The following PNRC2 variants were observed in gnomAD, a reference collection of about 807,000 sequenced individuals.
The protein encoded by PNRC2 is proline-rich nuclear receptor coactivator 2.
Under a neutral mutation model 12.2 loss-of-function variants are expected in PNRC2, and 2 were observed. That is an observed-to-expected ratio of 0.16 (90% CI 0.07 to 0.52). PNRC2 has a LOEUF of 0.52. Ranked by LOEUF, PNRC2 falls within the 20% of genes least tolerant of loss-of-function variation. PNRC2 has a pLI of 0.95. For missense variants in PNRC2, 115 were observed against 158.4 expected (o/e 0.73, Z 1.47); for synonymous variants, 44 against 53.9 (o/e 0.82, Z 0.80).
rs1641315370 is a variant in PNRC2 at position 23,963,261 on chromosome 1, CTAAT to C, written c.*1386_*1389del. 6.0e-6 allele frequency: 1 copy of C among 166,992 alleles called. No homozygotes were observed. The allele number at this position is 166,992 out of a possible 1,614,324, so 10.3% of individuals were successfully genotyped here. On this transcript the variant is annotated 3_prime_UTR_variant, in exon 3 of 3. Transcript: ENST00000334351. ...ATTTTGATTGTTAATGCCCTATTTT[CTAAT>C]TTGGCACCTCTTGATGCCTAAGCAG...
chr1:23,961,869 C>G lies in PNRC2; in HGVS notation c.412C>G (p.Gln138Glu). 6.5e-7 allele frequency: 1 copy of G among 1,538,124 alleles called. No individual in the cohort carries two copies. Among genetic ancestry groups the G allele is most frequent in the South Asian group, 1.1e-5 (1 of 87,438 alleles). Residue 138 changes from glutamine (Q) to glutamate (E), a missense_variant, in exon 3 of 3, where the codon CAG becomes GAG. Transcript: ENST00000334351. ...TCAACTTAAAACCTTACTTAAAGTACAGGTATAAAATAAGACAAATGTTTA... is the reference window on the plus strand; with the variant it reads ...TCAACTTAAAACCTTACTTAAAGTAGAGGTATAAAATAAGACAAATGTTTA... ...TFQLKTLLKV[Q>E]V
chr1:23,960,600 AT>A (rs1158317832), intron 1 of PNRC2, among the ~76,000 whole-genome samples: 1 of 152,190 alleles, frequency 6.6e-6, no homozygotes, highest in African/African-American at 2.4e-5. Flanking sequence ...CCTGAAGCCA[AT>A]TTTTTGATAT....
At chr1:23,959,418 C>T (rs1641234730), upstream of PNRC2, among the ~76,000 whole-genome samples, 1 of 152,196 alleles carries the variant, frequency 6.6e-6, no homozygotes, top group Non-Finnish European at 1.5e-5. Context: ...TATCTTCCAT[C>T]TGTCAATACA....
intron 2 of PNRC2, 77 bp downstream of exon 2, chr1:23,961,211 T>A (rs1233987304): frequency 1.3e-5 from 6 of 455,746 alleles, no homozygotes; most frequent in Non-Finnish European, 1.9e-5. Flanking sequence ...ATAGATTATG[T>A]AGATTTGTGG....
At chr1:23,960,045 T>A (rs1268053761) in intron 1 of PNRC2, 47 bp downstream of exon 1, 1 of 152,098 alleles carries the variant, frequency 6.6e-6, no homozygotes, top group African/African-American at 2.4e-5. Context: ...GTGGCCGCGC[T>A]CCCCATTGTT....
upstream of PNRC2, chr1:23,959,783 G>A (rs374242350): frequency 6.4e-4 from 98 of 152,460 alleles, 1 homozygote; most frequent in East Asian, 0.017. Context: ...GATTGGCCGC[G>A]GAGCCTCCCG....
chr1:23,961,386 T>G (rs1641274428), intron 2 of PNRC2, 54 bp from the exon 3 acceptor site: 3 of 1,319,004 alleles, frequency 2.3e-6, no homozygotes, highest in Admixed American at 2.3e-5. Flanking sequence ...TCTTAAAGAT[T>G]TTGAACTTTT....
Position 23,960,987 on chromosome 1 carries a change from G to T in PNRC2, c.-166G>T. On this transcript the variant is annotated 5_prime_UTR_variant, in exon 2 of 3. The change creates a new upstream start codon in the 5' untranslated region. Transcript: ENST00000334351. ...ACTCAGATGTTGGCCTCAGCTCCTA[G>T]GCTGAACTCAGCAGATCGGCCCATG... The T allele has an allele frequency of 2.5e-6, 1 of 400,682 alleles. No homozygotes were observed. Among genetic ancestry groups the T allele is most frequent in the Non-Finnish European group, 4.4e-6 (1 of 227,148 alleles). 24.8% of individuals were successfully genotyped at this position (400,682 alleles called of 1,614,324 possible).
upstream of PNRC2, among the ~76,000 whole-genome samples, chr1:23,959,655 C>T (rs1202890137): frequency 2.0e-5 from 3 of 152,202 alleles, no homozygotes; most frequent in Non-Finnish European, 2.9e-5. Flanking sequence ...GCATGCTCCT[C>T]CTCCCCGGGC....
intron 1 of PNRC2, 143 bp from the exon 2 acceptor site, chr1:23,960,786 C>G: frequency 2.6e-6 from 1 of 386,016 alleles, no homozygotes; most frequent in Non-Finnish European, 4.6e-6. Flanking sequence ...GTTATAAGGT[C>G]AAAGAAAGCC....
chr1:23,961,975 T>C lies in PNRC2; in HGVS notation c.*98T>C. The C allele has an allele frequency of 2.8e-6, 2 of 722,934 alleles. No homozygotes were observed. The highest frequency in any genetic ancestry group is 4.6e-6 in the Non-Finnish European group (2 of 432,894). The allele number at this position is 722,934 out of a possible 1,614,324, so 44.8% of individuals were successfully genotyped here. A position where few individuals can be genotyped will look rare whatever the true frequency, so the allele number is the denominator to read the frequency against. On this transcript the variant is annotated 3_prime_UTR_variant, in exon 3 of 3. Coordinates refer to ENST00000334351, the MANE Select transcript of PNRC2 (RefSeq NM_017761.4). ...AATCTATTTGTGTAGAACTAATTAA[T>C]GTAAAAAAAATAGACCATCTCGTGT...
rs1172348567 is a variant in PNRC2 at position 23,962,061 on chromosome 1, A to G, written c.*184A>G. ...ACTTAAACTAATGATTGTACTTGAT[A>G]TTAAGTGTTCTCAACTGAGTAACTT... is the stretch of plus-strand genomic sequence containing the variant. On this transcript the variant is annotated 3_prime_UTR_variant, in exon 3 of 3. Coordinates refer to ENST00000334351, the MANE Select transcript of PNRC2 (RefSeq NM_017761.4). 9.4e-5 allele frequency: 50 copies of G among 529,926 alleles called. No individual in the cohort carries two copies. Among genetic ancestry groups the G allele is most frequent in the Non-Finnish European group, 3.8e-5 (11 of 290,738 alleles). 32.8% of individuals were successfully genotyped at this position (529,926 alleles called of 1,614,324 possible). A position where few individuals can be genotyped will look rare whatever the true frequency, so the allele number is the denominator to read the frequency against.
chr1:23,962,566 T>C lies in PNRC2; in HGVS notation c.*689T>C, dbSNP rs1381617394. The C allele has an allele frequency of 6.0e-6, 1 of 167,140 alleles. No homozygotes were observed. Among genetic ancestry groups the C allele is most frequent in the African/African-American group, 2.4e-5 (1 of 41,470 alleles). The allele number at this position is 167,140 out of a possible 1,614,324, so 10.4% of individuals were successfully genotyped here. A position where few individuals can be genotyped will look rare whatever the true frequency, so the allele number is the denominator to read the frequency against. The stretch of plus-strand genomic sequence containing the variant: ...TGCACAAGCTATTCTAATAGTGCTC[T>C]GGCCTCATCATTCCTGCAAAGCTTG... On this transcript the variant is annotated 3_prime_UTR_variant, in exon 3 of 3. Coordinates refer to ENST00000334351, the MANE Select transcript of PNRC2 (RefSeq NM_017761.4).
Position 23,959,831 on chromosome 1 carries a change from G to A in PNRC2, c.-392G>A, listed in dbSNP as rs1170146491. On this transcript the variant is annotated 5_prime_UTR_variant, in exon 1 of 3. Coordinates refer to ENST00000334351, the MANE Select transcript of PNRC2 (RefSeq NM_017761.4). ...CAGTCGCTGCCGACTCCATTTTGTC[G>A]GTAGAGGCAGAAGGAGAAGGTCGGG... The A allele has an allele frequency of 1.3e-5, 2 of 152,296 alleles. No individual in the cohort carries two copies. Among genetic ancestry groups the A allele is most frequent in the Non-Finnish European group, 2.9e-5 (2 of 68,090 alleles). The allele number at this position is 152,296 out of a possible 1,614,324, so 9.4% of individuals were successfully genotyped here.
rs1419756689 is a variant in PNRC2 at position 23,962,248 on chromosome 1, A to G, written c.*371A>G. The G allele has an allele frequency of 5.3e-6, 1 of 188,400 alleles. No homozygotes were observed. The highest frequency in any genetic ancestry group is 5.5e-5 in the Admixed American group (1 of 18,074). 11.7% of individuals were successfully genotyped at this position (188,400 alleles called of 1,614,324 possible). A position where few individuals can be genotyped will look rare whatever the true frequency, so the allele number is the denominator to read the frequency against. Reference sequence around the variant, plus strand: ...TAACACAAGGATTCAGAATTAGGTAAACATCTGAAGGTTTAGTATATTAGA... The same window carrying G: ...TAACACAAGGATTCAGAATTAGGTAGACATCTGAAGGTTTAGTATATTAGA... On this transcript the variant is annotated 3_prime_UTR_variant, in exon 3 of 3. Transcript: ENST00000334351.
chr1:23,961,997 G>C lies in PNRC2; in HGVS notation c.*120G>C, dbSNP rs1436555691. The C allele has an allele frequency of 4.1e-5, 26 of 635,212 alleles. No individual in the cohort carries two copies. In the African/African-American group the frequency reaches 4.6e-4, roughly 11 times the overall value. The allele number at this position is 635,212 out of a possible 1,614,324, so 39.3% of individuals were successfully genotyped here. On this transcript the variant is annotated 3_prime_UTR_variant, in exon 3 of 3. Transcript: ENST00000334351. ...TAATGTAAAAAAAATAGACCATCTCGTGTTGTGTGCACTGTGATATAATGG... is the reference window on the plus strand; with the variant it reads ...TAATGTAAAAAAAATAGACCATCTCCTGTTGTGTGCACTGTGATATAATGG...
intron 2 of PNRC2, 123 bp from the exon 3 acceptor site, chr1:23,961,317 A>C: frequency 1.6e-6 from 1 of 629,184 alleles, no homozygotes; most frequent in Non-Finnish European, 2.6e-6. Context: ...GCAGCTGAAT[A>C]GCCTGTTATT....
chr1:23,960,576 C>T (rs1261959884), intron 1 of PNRC2, among the ~76,000 whole-genome samples: 1 of 152,300 alleles, frequency 6.6e-6, no homozygotes, highest in African/African-American at 2.4e-5. Flanking sequence ...AACACGGTCT[C>T]TTTAGAAAAT....
chr1:23,960,445 G>C (rs1045637489), intron 1 of PNRC2, among the ~76,000 whole-genome samples: 1 of 152,068 alleles, frequency 6.6e-6, no homozygotes, highest in Non-Finnish European at 1.5e-5. Flanking sequence ...ATTTTAAGAC[G>C]GGGAGGAGGC....
Sources: allele counts gnomAD v4.1 joint callset (sites outside exome capture counted in the v4.1 genomes callset), GRCh38; gene constraint gnomAD v4.1.1; transcripts MANE v1.5; gene names NCBI Gene and HGNC (gene_info 2026-07-23, HGNC 2026-07-21).